PRRC2C: variants seen among roughly 807,000 people sequenced by gnomAD.
PRRC2C encodes protein PRRC2C.
A neutral mutation model predicts 317.2 loss-of-function variants in PRRC2C; 72 were observed. That is an observed-to-expected ratio of 0.23 (90% CI 0.19 to 0.28). The LOEUF (loss-of-function observed/expected upper bound fraction) is 0.28, where lower values mean the gene tolerates loss of function less well. PRRC2C is among the 10% of genes least tolerant of loss of function. The pLI, the probability that PRRC2C is intolerant of heterozygous loss-of-function variation, is 1.00. For missense variants in PRRC2C, 3,074 were observed against 3,459.7 expected (o/e 0.89, Z 2.80); for synonymous variants, 1,296 against 1,205.9 (o/e 1.07, Z -1.55).
intron 18 of PRRC2C, 58 bp downstream of exon 18, chr1:171,550,298 C>G: frequency 7.0e-7 from 1 of 1,435,704 alleles, no homozygotes. Flanking sequence ...CAAAGTGTAT[C>G]AGCAAATGTT....
intron 28 of PRRC2C, among the ~76,000 whole-genome samples, chr1:171,581,527 G>A (rs1283733460): frequency 6.6e-6 from 1 of 152,176 alleles, no homozygotes; most frequent in Admixed American, 6.5e-5. Flanking sequence ...TAAAATGTAA[G>A]ACACATATAT....
intron 25 of PRRC2C, among the ~76,000 whole-genome samples, chr1:171,576,836 G>A (rs190180095): frequency 3.8e-4 from 58 of 152,126 alleles, no homozygotes; most frequent in African/African-American, 1.4e-3. Flanking sequence ...GCGACTACAG[G>A]CACCACCATG....
intron 26 of PRRC2C, among the ~76,000 whole-genome samples, chr1:171,578,068 T>C (rs981006600): frequency 7.3e-5 from 11 of 151,000 alleles, no homozygotes; most frequent in African/African-American, 2.7e-4. Context: ...AGTGCTGGAA[T>C]TATAGGCATG....
At chr1:171,527,289 C>T (rs534610951) in intron 10 of PRRC2C, among the ~76,000 whole-genome samples, 50 of 150,586 alleles carry the variant, frequency 3.3e-4, no homozygotes, top group Non-Finnish European at 6.2e-4. Flanking sequence ...CCCGCCACCA[C>T]GCCTGGCTAA....
In PRRC2C at chr1:171,514,535, G is replaced by T; in HGVS notation, c.291-1G>T. The stretch of plus-strand genomic sequence containing the variant: ...ATAATGGATTCATATTTTTTTTTAA[G>T]AACACCAGAAGTGCCACCAGCACAG... On this transcript the variant is annotated splice_acceptor_variant, in intron 3 of 34. Coordinates refer to ENST00000647382, the MANE Select transcript of PRRC2C (RefSeq NM_001387844.1). LOFTEE classifies it high-confidence loss of function. 6.5e-7 allele frequency: 1 copy of T among 1,544,600 alleles called. No homozygotes were observed.
In PRRC2C at chr1:171,579,363, C is replaced by T; in HGVS notation, c.7169C>T (p.Pro2390Leu). ...TCCTGATGGTCTACAGCTCAAATCCCAGCCTTCTATATGGACACAAGTCAT... is the reference window on the plus strand; with the variant it reads ...TCCTGATGGTCTACAGCTCAAATCCTAGCCTTCTATATGGACACAAGTCAT... Reference protein sequence around the residue: ...YVSQSAAAQIPAFYMDTSHLF... With the variant: ...YVSQSAAAQILAFYMDTSHLF... Residue 2390 changes from proline (P) to leucine (L), a missense_variant, in exon 27 of 35, where the codon CCA (proline) becomes CTA (leucine). By Grantham distance (98) the Pro-to-Leu change is moderately conservative. Transcript: ENST00000647382. 6.2e-7 allele frequency: 1 copy of T among 1,613,518 alleles called. No homozygotes were observed. Among genetic ancestry groups the T allele is most frequent in the Non-Finnish European group, 8.5e-7 (1 of 1,179,612 alleles).
At chr1:171,591,217 T>C (rs2102910476) in intron 34 of PRRC2C, 1 of 1,011,368 alleles carries the variant, frequency 9.9e-7, no homozygotes, top group Non-Finnish European at 1.2e-6. Flanking sequence ...AATGCCACAA[T>C]ATAAGTGCTT....
chr1:171,497,790 A>T (rs1376535780), intron 1 of PRRC2C, among the ~76,000 whole-genome samples: 1 of 151,696 alleles, frequency 6.6e-6, no homozygotes, highest in African/African-American at 2.4e-5. Flanking sequence ...TTTTTACGTT[A>T]TACTATATCT....
Position 171,530,714 on chromosome 1 carries a change from G to T in PRRC2C, c.1255-1629G>T, listed in dbSNP as rs1675684363. Among the ~76,000 whole-genome samples, 5 of 152,152 alleles carry T rather than the reference G, an allele frequency of 3.3e-5. No homozygotes were observed. The South Asian group carries it at 1.0e-3, about 32-fold the overall frequency. On this transcript the variant is annotated intron_variant, in intron 11 of 34. Coordinates refer to ENST00000647382, the MANE Select transcript of PRRC2C (RefSeq NM_001387844.1). ...TAGGGAAATACAAGTTAAAACCACTGAGATTTTACTGCACTGCCAGAATTA... is the reference window on the plus strand; with the variant it reads ...TAGGGAAATACAAGTTAAAACCACTTAGATTTTACTGCACTGCCAGAATTA...
In PRRC2C at chr1:171,592,007, C is replaced by G; in HGVS notation, c.*160C>G. 1.1e-6 allele frequency: 1 copy of G among 913,704 alleles called. No homozygotes were observed. The highest frequency in any genetic ancestry group is 1.9e-5 in the South Asian group (1 of 52,948). 56.6% of individuals were successfully genotyped at this position (913,704 alleles called of 1,614,324 possible). A position where few individuals can be genotyped will look rare whatever the true frequency, so the allele number is the denominator to read the frequency against. The stretch of plus-strand genomic sequence containing the variant: ...CATAGGAGCAATTTACACTGACACA[C>G]AGCTGCTGTACCAGTGAAAACGAGG... On this transcript the variant is annotated 3_prime_UTR_variant, in exon 35 of 35. Transcript: ENST00000647382.
At chr1:171,548,021 A>C (rs978253781) in intron 17 of PRRC2C, among the ~76,000 whole-genome samples, 1 of 151,484 alleles carries the variant, frequency 6.6e-6, no homozygotes, top group Admixed American at 6.6e-5. Context: ...GCTGGAGTAC[A>C]GTGGCGTGAT....
intron 31 of PRRC2C, 116 bp from the exon 32 acceptor site, chr1:171,587,532 T>C (rs1650323159): frequency 1.6e-5 from 11 of 704,332 alleles, no homozygotes; most frequent in Non-Finnish European, 2.6e-5. Flanking sequence ...ATAGGAGTTT[T>C]GTACTAAGGT....
intron 23 of PRRC2C, among the ~76,000 whole-genome samples, chr1:171,571,061 C>T (rs1684699464): frequency 6.6e-6 from 1 of 152,250 alleles, no homozygotes; most frequent in African/African-American, 2.4e-5. Flanking sequence ...TGAGTATACA[C>T]CTTATATCTG....
chr1:171,578,220 G>GTA (rs1466976939), intron 26 of PRRC2C, among the ~76,000 whole-genome samples: 1 of 152,004 alleles, frequency 6.6e-6, no homozygotes, highest in Non-Finnish European at 1.5e-5. Flanking sequence ...TTAAGTAAGG[G>GTA]TATTCATTGC....
At position 171,536,173 on chromosome 1, in the gene PRRC2C, T is replaced by A. The variant is rs558551690; in HGVS notation, c.2188T>A (p.Leu730Met). The A allele has an allele frequency of 6.2e-7, 1 of 1,612,318 alleles. No individual in the cohort carries two copies. The highest frequency in any genetic ancestry group is 2.2e-5 in the East Asian group (1 of 44,856). The change falls in exon 14 of 35, where the codon TTG becomes ATG. Residue 730 changes from leucine (L) to methionine (M), a missense_variant. By Grantham distance (15) the Leu-to-Met change is conservative. This residue lies in a region of PRRC2C where 1,320 missense variants were observed against 1,395.7 expected (regional missense o/e 0.95). Coordinates refer to ENST00000647382, the MANE Select transcript of PRRC2C (RefSeq NM_001387844.1). ...YQPMQPHPQH[L>M]ASMGFDPRWL... ...GCCTATGCAGCCTCATCCTCAGCAT[T>A]TGGCTTCTATGGGTTTTGATCCAAG...
intron 11 of PRRC2C, 97 bp downstream of exon 11, chr1:171,527,941 C>A: frequency 2.1e-6 from 2 of 958,238 alleles, no homozygotes; most frequent in Non-Finnish European, 3.2e-6. Flanking sequence ...TTTTATGAAA[C>A]AGTTACTAAC....
At chr1:171,553,172 T>G (rs1680642783) in intron 18 of PRRC2C, among the ~76,000 whole-genome samples, 1 of 152,248 alleles carries the variant, frequency 6.6e-6, no homozygotes, top group Non-Finnish European at 1.5e-5. Flanking sequence ...ATTCAACTTC[T>G]TCCTGGTTTA....
intron 20 of PRRC2C, among the ~76,000 whole-genome samples, chr1:171,565,918 G>T (rs1295627481): frequency 6.6e-6 from 1 of 152,100 alleles, no homozygotes; most frequent in East Asian, 1.9e-4. Context: ...GTTGGTAGTG[G>T]TGTCTTTGTG....
chr1:171,538,024 C>CT, intron 15 of PRRC2C, among the ~76,000 whole-genome samples: 2 of 152,308 alleles, frequency 1.3e-5, no homozygotes, highest in African/African-American at 4.8e-5. Flanking sequence ...CCTCAGCCTC[C>CT]TGAGTAGCTG....
Sources: allele counts gnomAD v4.1 joint callset (sites outside exome capture counted in the v4.1 genomes callset), GRCh38; gene constraint gnomAD v4.1.1; regional missense constraint gnomAD v4.1.1; transcripts MANE v1.5; gene names NCBI Gene and HGNC (gene_info 2026-07-23, HGNC 2026-07-21).